Variants in ETV6 observed in about 807,000 individuals in gnomAD.
ETV6 encodes the protein transcription factor ETV6.
ETV6 carries 16 observed loss-of-function variants against 51.1 expected under a neutral mutation model. The observed-to-expected ratio is 0.31, with a 90% confidence interval of 0.21 to 0.48. The LOEUF (loss-of-function observed/expected upper bound fraction) is 0.48. ETV6 is among the 20% of genes least tolerant of loss of function. The pLI, the probability that ETV6 is intolerant of heterozygous loss-of-function variation, is 0.99. For missense variants in ETV6, 458 were observed against 594.8 expected (o/e 0.77, Z 2.39); for synonymous variants, 240 against 224.1 (o/e 1.07, Z -0.64).
intron 2 of ETV6, among the ~76,000 whole-genome samples, chr12:11,833,037 G>T (rs931065730): frequency 8.5e-5 from 13 of 152,244 alleles, no homozygotes; most frequent in African/African-American, 3.1e-4. Context: ...CAGCAGGCTG[G>T]GATGATGGTT....
chr12:11,833,455 CT>C (rs202148893), intron 2 of ETV6, among the ~76,000 whole-genome samples: 1,633 of 152,294 alleles, frequency 0.011, 24 homozygotes, highest in African/African-American at 0.034. Flanking sequence ...GCATGCTGAA[CT>C]ACCGTGAAAC....
intron 1 of ETV6, among the ~76,000 whole-genome samples, chr12:11,679,103 A>C (rs747546646): frequency 6.6e-6 from 1 of 152,240 alleles, no homozygotes; most frequent in Non-Finnish European, 1.5e-5. Flanking sequence ...AATGTCATTG[A>C]GGTTGAAAGG....
Position 11,799,565 on chromosome 12 carries a change from G to A in ETV6, c.164-39575G>A, listed in dbSNP as rs180686387. 1.6e-4 allele frequency among the ~76,000 whole-genome samples: 25 copies of A among 152,262 alleles called. No individual in the cohort carries two copies. The East Asian group carries it at 4.1e-3, about 25-fold the overall frequency. On this transcript the variant is annotated intron_variant, in intron 2 of 7. Transcript: ENST00000396373. ...GTGACCCTAAAAGCATTAGGGAAAC[G>A]TTATGGAACTGTTACGAAAAAAGAG...
intron 2 of ETV6, among the ~76,000 whole-genome samples, chr12:11,804,098 A>C (rs1285432759): frequency 6.6e-6 from 1 of 152,158 alleles, no homozygotes; most frequent in African/African-American, 2.4e-5. Context: ...AAATTCTTTC[A>C]AAAGATTTTT....
At chr12:11,752,633 G>A (rs1866057955) in intron 2 of ETV6, 54 bp downstream of exon 2, 55 of 1,561,128 alleles carry the variant, frequency 3.5e-5, no homozygotes, top group Non-Finnish European at 4.8e-5. Context: ...GGGCGGGGGT[G>A]GCAGGCAGTG....
chr12:11,809,327 A>T (rs1945876832), intron 2 of ETV6, among the ~76,000 whole-genome samples: 1 of 152,146 alleles, frequency 6.6e-6, no homozygotes, highest in African/African-American at 2.4e-5. Flanking sequence ...TGAAGACAAG[A>T]GGAAAAAAGG....
At chr12:11,810,499 C>A (rs1331872437) in intron 2 of ETV6, among the ~76,000 whole-genome samples, 1 of 152,144 alleles carries the variant, frequency 6.6e-6, no homozygotes, top group Non-Finnish European at 1.5e-5. Flanking sequence ...TGCCATGATC[C>A]ATGGTTCCTA....
chr12:11,665,166 C>G, intron 1 of ETV6, among the ~76,000 whole-genome samples: 1 of 152,198 alleles, frequency 6.6e-6, no homozygotes, highest in East Asian at 1.9e-4. Flanking sequence ...TACCACCACA[C>G]TAGGCTAATT....
chr12:11,755,913 T>A (rs1302351255), intron 2 of ETV6, among the ~76,000 whole-genome samples: 1 of 152,182 alleles, frequency 6.6e-6, no homozygotes, highest in Non-Finnish European at 1.5e-5. Flanking sequence ...CTCCCTTAAT[T>A]CTTCCTTTCT....
chr12:11,834,045 T>C (rs1946280970), intron 2 of ETV6, among the ~76,000 whole-genome samples: 1 of 152,212 alleles, frequency 6.6e-6, no homozygotes, highest in Non-Finnish European at 1.5e-5. Flanking sequence ...CGTTTAGGAA[T>C]TGAAGCCACA....
intron 1 of ETV6, among the ~76,000 whole-genome samples, chr12:11,668,428 G>A (rs1040323276): frequency 3.3e-5 from 5 of 151,436 alleles, no homozygotes; most frequent in Non-Finnish European, 7.4e-5. Flanking sequence ...GATGTGGCAA[G>A]CCTTACAAAA....
In ETV6 at chr12:11,869,410, C is replaced by G; in HGVS notation, c.464-14C>G. ...TCACTGGGGTCTGTGATTGTCTTTC[C>G]CTCTGCTCCACAGATAACTGTGTCC... On this transcript the variant is annotated splice_polypyrimidine_tract_variant and intron_variant, in intron 4 of 7. Transcript: ENST00000396373. The surrounding 1 kb of genome is among the most constrained non-coding windows in gnomAD (Gnocchi z 5.0). 6.3e-7 allele frequency: 1 copy of G among 1,590,692 alleles called. No individual in the cohort carries two copies.
At chr12:11,781,050 A>G (rs769390987) in intron 2 of ETV6, among the ~76,000 whole-genome samples, 4 of 152,212 alleles carry the variant, frequency 2.6e-5, no homozygotes, top group Non-Finnish European at 5.9e-5. Flanking sequence ...TTCTGTTTGC[A>G]TGCTAGGAAA....
intron 1 of ETV6, among the ~76,000 whole-genome samples, chr12:11,663,635 G>A (rs1209612084): frequency 6.6e-6 from 1 of 152,194 alleles, no homozygotes; most frequent in Non-Finnish European, 1.5e-5. Context: ...TTGTTAAACA[G>A]CAATGTGAGG....
chr12:11,706,615 AG>A (rs1865077384), intron 1 of ETV6, among the ~76,000 whole-genome samples: 1 of 152,210 alleles, frequency 6.6e-6, no homozygotes, highest in African/African-American at 2.4e-5. Context: ...GCTAGGAGAT[AG>A]TAGGGCCACC....
At chr12:11,867,087 C>G (rs1166319521) in intron 4 of ETV6, among the ~76,000 whole-genome samples, 3 of 152,232 alleles carry the variant, frequency 2.0e-5, no homozygotes, top group Non-Finnish European at 4.4e-5. Context: ...CAGTTCCCTT[C>G]TTTCAAGAGT....
intron 1 of ETV6, among the ~76,000 whole-genome samples, chr12:11,653,451 G>T (rs1863944195): frequency 1.3e-5 from 2 of 152,206 alleles, no homozygotes; most frequent in African/African-American, 4.8e-5. Context: ...TTTCATAGCA[G>T]AAGGAAATCT....
At chr12:11,721,621 G>T (rs969355454) in intron 1 of ETV6, among the ~76,000 whole-genome samples, 1 of 152,008 alleles carries the variant, frequency 6.6e-6, no homozygotes, top group Non-Finnish European at 1.5e-5. Context: ...CTACCTCTTG[G>T]GTACTGTGCT....
At chr12:11,695,356 A>G (rs1019112719) in intron 1 of ETV6, among the ~76,000 whole-genome samples, 7 of 152,226 alleles carry the variant, frequency 4.6e-5, no homozygotes, top group African/African-American at 7.2e-5. Flanking sequence ...AGCAAGGACC[A>G]TTGCTGTTAG....
Sources: allele counts gnomAD v4.1 joint callset (sites outside exome capture counted in the v4.1 genomes callset), GRCh38; gene constraint gnomAD v4.1.1; non-coding constraint Gnocchi (gnomAD v3.1); transcripts MANE v1.5; gene names NCBI Gene and HGNC (gene_info 2026-07-23, HGNC 2026-07-21).